BYSL: variants seen among roughly 807,000 people sequenced by gnomAD.
The protein encoded by BYSL is bystin like.
BYSL carries 21 observed loss-of-function variants against 45.4 expected under a neutral mutation model. The observed-to-expected ratio is 0.46, with a 90% confidence interval of 0.33 to 0.67. The LOEUF (loss-of-function observed/expected upper bound fraction) is 0.67, where lower values mean the gene tolerates loss of function less well. Ranked by LOEUF, BYSL falls within the 30% of genes least tolerant of loss-of-function variation. BYSL has a pLI of 0.02. For synonymous variants in BYSL, 215 were observed against 231.3 expected (o/e 0.93, Z 0.64); for missense variants, 522 against 578.5 (o/e 0.90, Z 1.00).
In BYSL at chr6:41,926,745, G is replaced by A. The variant is rs549936933; in HGVS notation, c.269-629G>A. On this transcript the variant is annotated intron_variant, in intron 1 of 6. Coordinates refer to ENST00000230340, the MANE Select transcript of BYSL (RefSeq NM_004053.4). ...ATTACAGGCGTGAGCCACCGTGCCCGGCCACTTCTTGGGTTTATAAGGATT... is the reference window on the plus strand; with the variant it reads ...ATTACAGGCGTGAGCCACCGTGCCCAGCCACTTCTTGGGTTTATAAGGATT... Among the ~76,000 whole-genome samples, 20 of 149,996 alleles carry A rather than the reference G, an allele frequency of 1.3e-4. 2 individuals are homozygous for A. In the East Asian group the frequency reaches 4.1e-3, roughly 30 times the overall value.
Position 41,932,479 on chromosome 6 carries a change from C to T in BYSL, c.1087C>T (p.His363Tyr). Residue 363 changes from histidine to tyrosine, a missense_variant, in exon 7 of 7, where the codon CAC (histidine) becomes TAC (tyrosine). Transcript: ENST00000230340. The surrounding 1 kb of genome is among the most constrained non-coding windows in gnomAD (Gnocchi z 4.7). ...PYRVLDALVF[H>Y]FLGFRTEKRE... ...CCGGGTGCTGGATGCCCTAGTCTTC[C>T]ACTTCCTGGGGTTCCGGACAGAGAA... The T allele has an allele frequency of 4.3e-6, 7 of 1,614,208 alleles. No individual in the cohort carries two copies. The highest frequency in any genetic ancestry group is 5.9e-6 in the Non-Finnish European group (7 of 1,180,032).
the BYSL span, among the ~76,000 whole-genome samples, chr6:41,914,119 T>G: frequency 6.6e-6 from 1 of 152,080 alleles, no homozygotes; most frequent in Admixed American, 6.5e-5. Context: ...CCAAACAGGA[T>G]GGTGGCACAA....
rs550168579 is a variant in BYSL, at chr6:41,928,570, G to A, written c.431+1034G>A. Among the ~76,000 whole-genome samples, 4 of 152,260 alleles carry A rather than the reference G, an allele frequency of 2.6e-5. No homozygotes were observed. In the South Asian group the frequency reaches 6.2e-4, roughly 24 times the overall value. On this transcript the variant is annotated intron_variant, in intron 2 of 6. Transcript: ENST00000230340. Reference sequence around the variant, plus strand: ...ATTTAGCAGAATGCTTTTCCAGCTTGTAGTAAATAGAGTAGACAAGCTCCT... The same window carrying A: ...ATTTAGCAGAATGCTTTTCCAGCTTATAGTAAATAGAGTAGACAAGCTCCT...
chr6:41,932,252 T>C lies in BYSL; in HGVS notation c.969-109T>C. 9.4e-7 allele frequency: 1 copy of C among 1,068,266 alleles called. No individual in the cohort carries two copies. Among genetic ancestry groups the C allele is most frequent in the Non-Finnish European group, 1.4e-6 (1 of 723,564 alleles). The allele number at this position is 1,068,266 out of a possible 1,614,324, so 66.2% of individuals were successfully genotyped here. ...AAGGTCCCTGGGGAATACCATAGTG[T>C]AAGGGCCAGCAGAGGGGAAGAAAAA... On this transcript the variant is annotated intron_variant, in intron 6 of 6. Transcript: ENST00000230340. This position sits in a 1 kb window ranked among gnomAD's most constrained non-coding sequence, Gnocchi z 4.7.
At chr6:41,913,956 T>C in the BYSL span, among the ~76,000 whole-genome samples, 1 of 152,222 alleles carries the variant, frequency 6.6e-6, no homozygotes, top group Non-Finnish European at 1.5e-5. Context: ...TTAACTTACT[T>C]AGCACAACAT....
chr6:41,925,129 G>A (rs527341775), intron 1 of BYSL, among the ~76,000 whole-genome samples: 51 of 152,284 alleles, frequency 3.3e-4, no homozygotes, highest in Non-Finnish European at 5.7e-4. Context: ...GACACCTGGA[G>A]TTAGGGTCTG....
the BYSL span, chr6:41,908,918 C>T: frequency 3.0e-6 from 1 of 336,994 alleles, no homozygotes; most frequent in South Asian, 1.0e-4. Context: ...TGTGTTGGCT[C>T]ATACCTGTAA....
chr6:41,931,903 G>A, intron 6 of BYSL, 73 bp downstream of exon 6: 1 of 1,405,620 alleles, frequency 7.1e-7, no homozygotes, highest in Non-Finnish European at 1.0e-6. Flanking sequence ...ACTTGGGAAT[G>A]GGCAGAGTGG....
chr6:41,915,526 G>A, the BYSL span, among the ~76,000 whole-genome samples: 4 of 151,870 alleles, frequency 2.6e-5, no homozygotes, highest in East Asian at 1.9e-4. Context: ...GGTGGCTCAC[G>A]CCTATAATCC....
At chr6:41,922,020 C>G (rs887266559) in intron 1 of BYSL, among the ~76,000 whole-genome samples, 190 bp downstream of exon 1, 1 of 152,170 alleles carries the variant, frequency 6.6e-6, no homozygotes, top group Non-Finnish European at 1.5e-5. Flanking sequence ...CTTCTAGACA[C>G]CCCCGAAGTT....
In BYSL at chr6:41,932,011, C is replaced by T. The variant is rs1319289864; in HGVS notation, c.968+181C>T. On this transcript the variant is annotated intron_variant, in intron 6 of 6. Coordinates refer to ENST00000230340, the MANE Select transcript of BYSL (RefSeq NM_004053.4). The surrounding 1 kb of genome is among the most constrained non-coding windows in gnomAD (Gnocchi z 4.7). ...ATGTAAGTTGTGCAACAACAGGGCC[C>T]GAGTGCCTGGCATAAAGTAAGTTCT... 1.3e-5 allele frequency among the ~76,000 whole-genome samples: 2 copies of T among 152,076 alleles called. No individual in the cohort carries two copies. Among genetic ancestry groups the T allele is most frequent in the African/African-American group, 4.8e-5 (2 of 41,372 alleles).
At chr6:41,909,463 C>T in the BYSL span, 6 of 1,614,254 alleles carry the variant, frequency 3.7e-6, no homozygotes, top group Admixed American at 1.7e-5. Context: ...TCAAAGAGGG[C>T]GAAACAGCTC....
intron 1 of BYSL, among the ~76,000 whole-genome samples, chr6:41,923,892 G>A (rs761896937): frequency 1.4e-4 from 21 of 152,086 alleles, no homozygotes; most frequent in Non-Finnish European, 2.6e-4. Flanking sequence ...CCTTAAACGT[G>A]GGAAATTAGG....
rs1582069030 is a variant in BYSL, at chr6:41,921,730, A to C, written c.168A>C (p.Arg56=). The C allele has an allele frequency of 6.2e-7, 1 of 1,613,436 alleles. No homozygotes were observed. The highest frequency in any genetic ancestry group is 1.3e-5 in the African/African-American group (1 of 74,858). ...EEEYVGPRLS[R]RILQQARQQQ... is the part of the protein sequence containing the mutation. Reference sequence around the variant, plus strand: ...AGTATGTGGGGCCCCGGCTGAGCCGACGGATTTTGCAGCAAGCACGGCAGC... The same window carrying C: ...AGTATGTGGGGCCCCGGCTGAGCCGCCGGATTTTGCAGCAAGCACGGCAGC... Residue 56 remains arginine (R), a synonymous_variant, in exon 1 of 7, where the codon CGA becomes CGC. Transcript: ENST00000230340.
chr6:41,910,789 A>G, the BYSL span, among the ~76,000 whole-genome samples: 1 of 151,866 alleles, frequency 6.6e-6, no homozygotes, highest in South Asian at 2.1e-4. Context: ...ATGTACAAGC[A>G]GAGGACTTAG....
At chr6:41,922,332 A>G (rs1329060686) in intron 1 of BYSL, among the ~76,000 whole-genome samples, 1 of 152,242 alleles carries the variant, frequency 6.6e-6, no homozygotes, top group Non-Finnish European at 1.5e-5. Context: ...TTAAGCTGAG[A>G]ACTGAAAAAC....
the BYSL span, chr6:41,909,341 G>A: frequency 6.2e-7 from 1 of 1,614,114 alleles, no homozygotes; most frequent in Non-Finnish European, 8.5e-7. Flanking sequence ...CACAGTACTG[G>A]TACCTGGTGC....
chr6:41,927,629 A>G, intron 2 of BYSL, 93 bp downstream of exon 2: 2 of 1,508,908 alleles, frequency 1.3e-6, no homozygotes, highest in Non-Finnish European at 9.0e-7. Flanking sequence ...TACCTTTGGA[A>G]AGGGCCCTGG....
chr6:41,931,151 G>A (rs2127386643), intron 4 of BYSL, among the ~76,000 whole-genome samples: 1 of 82,384 alleles, frequency 1.2e-5, no homozygotes, highest in East Asian at 2.8e-4. Context: ...CCATCAGTTT[G>A]CACGAGCTCT....
Sources: allele counts gnomAD v4.1 joint callset (sites outside exome capture counted in the v4.1 genomes callset), GRCh38; gene constraint gnomAD v4.1.1; non-coding constraint Gnocchi (gnomAD v3.1); transcripts MANE v1.5; gene names NCBI Gene and HGNC (gene_info 2026-07-23, HGNC 2026-07-21).